The following TECPR2 variants were observed in gnomAD, a reference collection of about 807,000 sequenced individuals.
TECPR2 encodes the protein tectonin beta-propeller repeat-containing protein 2.
In TECPR2, 65 loss-of-function variants were observed where a neutral mutation model predicts 138.1. The ratio of observed to expected loss-of-function variants is 0.47; its 90% CI spans 0.39 to 0.58. The LOEUF (loss-of-function observed/expected upper bound fraction) is 0.58, where lower values mean the gene tolerates loss of function less well. TECPR2 is among the 20% of genes least tolerant of loss of function. The pLI, the probability that TECPR2 is intolerant of heterozygous loss-of-function variation, is 0.00. For missense variants in TECPR2, 1,553 were observed against 1,824.5 expected (o/e 0.85, Z 2.71); for synonymous variants, 746 against 749.8 (o/e 0.99, Z 0.08).
intron 10 of TECPR2, chr14:102,438,510 T>C: frequency 3.3e-6 from 1 of 299,146 alleles, no homozygotes; most frequent in Non-Finnish European, 6.2e-6. Flanking sequence ...AGTTTGAAAA[T>C]TGAGGGACTT....
intron 17 of TECPR2, among the ~76,000 whole-genome samples, chr14:102,468,292 A>G (rs573427018): frequency 6.6e-6 from 1 of 152,266 alleles, no homozygotes; most frequent in Admixed American, 6.5e-5. Context: ...GATTCAAGTG[A>G]TTCTACTGCC....
intron 4 of TECPR2, among the ~76,000 whole-genome samples, chr14:102,410,780 A>G (rs1046855832): frequency 2.6e-5 from 4 of 151,808 alleles, no homozygotes; most frequent in Admixed American, 2.0e-4. Flanking sequence ...TAACTCATAC[A>G]TGCCCTGCTC....
chr14:102,457,473 G>A (rs187337455), intron 16 of TECPR2, among the ~76,000 whole-genome samples: 1 of 152,328 alleles, frequency 6.6e-6, no homozygotes, highest in East Asian at 1.9e-4. Context: ...GACTGTGCAT[G>A]GCGGCTGTCA....
At chr14:102,416,051 GC>G (rs1331861615) in intron 5 of TECPR2, among the ~76,000 whole-genome samples, 12 of 152,154 alleles carry the variant, frequency 7.9e-5, no homozygotes, top group African/African-American at 2.7e-4. Context: ...CAGCCCTCCG[GC>G]TGTTAAAAGA....
chr14:102,401,444 A>C (rs1173882166), intron 2 of TECPR2, among the ~76,000 whole-genome samples: 11 of 151,350 alleles, frequency 7.3e-5, no homozygotes, highest in Admixed American at 2.0e-4. Flanking sequence ...CATCTCAAAA[A>C]AAAAAAAAAA....
At chr14:102,376,413 C>A (rs141423163) in intron 1 of TECPR2, among the ~76,000 whole-genome samples, 61 of 152,228 alleles carry the variant, frequency 4.0e-4, no homozygotes, top group African/African-American at 1.1e-3. Flanking sequence ...TTTTTGTATT[C>A]TTTCCACTCC....
chr14:102,492,505 A>C (rs1375539017), intron 17 of TECPR2, among the ~76,000 whole-genome samples: 2 of 152,250 alleles, frequency 1.3e-5, no homozygotes, highest in African/African-American at 4.8e-5. Flanking sequence ...CCAGTAATAC[A>C]AAATAGAGTT....
At chr14:102,383,086 AT>A (rs1295686576) in intron 2 of TECPR2, among the ~76,000 whole-genome samples, 1 of 152,268 alleles carries the variant, frequency 6.6e-6, no homozygotes, top group East Asian at 1.9e-4. Flanking sequence ...CATGTGATGA[AT>A]TTATATGTGT....
intron 16 of TECPR2, among the ~76,000 whole-genome samples, chr14:102,463,416 CAAAAAAAAAAAA>C (rs550694466): frequency 0.037 from 1,427 of 38,564 alleles, 40 homozygotes; most frequent in African/African-American, 0.11. Flanking sequence ...GACTCCGTCT[CAAAAAAAAAAAA>C]AAAAAAAAAA....
chr14:102,485,956 G>A (rs1891018268), intron 17 of TECPR2, among the ~76,000 whole-genome samples: 1 of 152,232 alleles, frequency 6.6e-6, no homozygotes, highest in African/African-American at 2.4e-5. Context: ...CAGTGACAAG[G>A]TCTGGAGGGT....
In TECPR2 at chr14:102,498,418, G is replaced by A. The variant is rs1004061581; in HGVS notation, c.*161G>A. 2 of 960,984 alleles carry A rather than the reference G, an allele frequency of 2.1e-6. No homozygotes were observed. The highest frequency in any genetic ancestry group is 1.7e-5 in the South Asian group (1 of 57,940). The allele number at this position is 960,984 out of a possible 1,614,324, so 59.5% of individuals were successfully genotyped here. A position where few individuals can be genotyped will look rare whatever the true frequency, so the allele number is the denominator to read the frequency against. ...TTTCATCTATGTTGGTTTCTGTCTC[G>A]TTCCAGAACCCACAGCCTCCACCCG... On this transcript the variant is annotated 3_prime_UTR_variant, in exon 20 of 20. Transcript: ENST00000359520.
intron 17 of TECPR2, among the ~76,000 whole-genome samples, chr14:102,483,433 GGTTTT>G (rs939129086): frequency 2.1e-4 from 29 of 135,446 alleles, no homozygotes; most frequent in South Asian, 2.5e-4. Flanking sequence ...GTTGTTGTGG[GGTTTT>G]GTTTTGTTTT....
At position 102,501,149 on chromosome 14, in the gene TECPR2, G is replaced by C. The variant is rs1407081420; in HGVS notation, c.*2892G>C. The C allele has an allele frequency of 1.3e-5, 2 of 152,262 alleles. No individual in the cohort carries two copies. The highest frequency in any genetic ancestry group is 3.8e-4 in the East Asian group (2 of 5,206). 9.4% of individuals were successfully genotyped at this position (152,262 alleles called of 1,614,324 possible). ...TAGCAAGGCCCACAGGGAGGGAGCA[G>C]AATGGAGAGGGCATCTCAGATGCGC... On this transcript the variant is annotated 3_prime_UTR_variant, in exon 20 of 20. Transcript: ENST00000359520.
intron 4 of TECPR2, among the ~76,000 whole-genome samples, chr14:102,410,991 CCTT>C (rs1299576706): frequency 2.6e-5 from 4 of 152,300 alleles, no homozygotes; most frequent in Admixed American, 6.5e-5. Context: ...CTGTTTTTCT[CCTT>C]CTGTTATTCC....
intron 16 of TECPR2, among the ~76,000 whole-genome samples, chr14:102,463,737 G>A (rs1296639741): frequency 1.3e-5 from 2 of 151,804 alleles, no homozygotes; most frequent in South Asian, 2.1e-4. Flanking sequence ...CAGCCTGGCC[G>A]ACATGATTAA....
At chr14:102,402,188 A>G (rs908782353) in intron 2 of TECPR2, among the ~76,000 whole-genome samples, 4 of 152,222 alleles carry the variant, frequency 2.6e-5, no homozygotes, top group Non-Finnish European at 5.9e-5. Context: ...AAAGATATAC[A>G]AAGTATGTTC....
In TECPR2 at chr14:102,499,245, GTGT is replaced by G; in HGVS notation, c.*990_*992del. ...CTCACTTAGAAATGTCTTTGGAATGGTGTTTAACTAATGCTGCTGGCGGACATC... is the reference window on the plus strand; with the variant it reads ...CTCACTTAGAAATGTCTTTGGAATGGTTAACTAATGCTGCTGGCGGACATC... On this transcript the variant is annotated 3_prime_UTR_variant, in exon 20 of 20. Transcript: ENST00000359520. 3.0e-6 allele frequency: 2 copies of G among 674,488 alleles called. No homozygotes were observed. Among genetic ancestry groups the G allele is most frequent in the East Asian group, 5.4e-5 (2 of 36,750 alleles). The allele number at this position is 674,488 out of a possible 1,614,324, so 41.8% of individuals were successfully genotyped here.
intron 2 of TECPR2, among the ~76,000 whole-genome samples, chr14:102,401,828 G>A (rs200053871): frequency 2.9e-3 from 231 of 78,332 alleles, no homozygotes; most frequent in Non-Finnish European, 4.8e-3. Flanking sequence ...AAAAAAAAAA[G>A]AGAGACTCAC....
chr14:102,364,029 T>C (rs1887273421), intron 1 of TECPR2, among the ~76,000 whole-genome samples: 1 of 152,202 alleles, frequency 6.6e-6, no homozygotes, highest in Non-Finnish European at 1.5e-5. Context: ...AGGAATTTTA[T>C]TCTGTTCTGT....
Sources: allele counts gnomAD v4.1 joint callset (sites outside exome capture counted in the v4.1 genomes callset), GRCh38; gene constraint gnomAD v4.1.1; transcripts MANE v1.5; gene names NCBI Gene and HGNC (gene_info 2026-07-23, HGNC 2026-07-21).